ESRRG: variants seen among roughly 807,000 people sequenced by gnomAD.
ESRRG encodes estrogen related receptor gamma, also known as estrogen-related receptor gamma.
ESRRG carries 13 observed loss-of-function variants against 44.0 expected under a neutral mutation model. That is an observed-to-expected ratio of 0.30 (90% CI 0.19 to 0.47). The LOEUF is 0.47. Ranked by LOEUF, ESRRG falls within the 20% of genes least tolerant of loss-of-function variation. The probability of loss-of-function intolerance (pLI) is 1.00; values close to 1 mark genes in which losing one functional copy is unlikely to be tolerated. For synonymous variants in ESRRG, 215 were observed against 214.6 expected (o/e 1.00, Z -0.02); for missense variants, 395 against 580.6 (o/e 0.68, Z 3.29).
chr1:216,901,066 C>T (rs922448571), intron 2 of ESRRG, among the ~76,000 whole-genome samples: 3 of 152,056 alleles, frequency 2.0e-5, no homozygotes, highest in Admixed American at 6.6e-5. Flanking sequence ...GCTTCTTAAC[C>T]CTGTGATGAT....
chr1:216,860,306 A>G (rs149089535), intron 2 of ESRRG, among the ~76,000 whole-genome samples: 407 of 152,240 alleles, frequency 2.7e-3, no homozygotes, highest in African/African-American at 9.5e-3. Flanking sequence ...AGGAAAAAAT[A>G]GCAGACAAAG....
chr1:216,518,222 C>T (rs1288626829), intron 6 of ESRRG, among the ~76,000 whole-genome samples: 1 of 152,110 alleles, frequency 6.6e-6, no homozygotes, highest in African/African-American at 2.4e-5. Context: ...CTGTCAATAC[C>T]TTGAATGCTG....
chr1:216,829,585 C>T (rs2095453543), intron 2 of ESRRG, among the ~76,000 whole-genome samples: 1 of 148,314 alleles, frequency 6.7e-6, no homozygotes, highest in Admixed American at 6.7e-5. Flanking sequence ...GATGGAGTCT[C>T]ACTCTGTTGC....
intron 1 of ESRRG, among the ~76,000 whole-genome samples, chr1:217,026,896 C>CACACACACAT (rs1243997072): frequency 1.8e-4 from 17 of 93,862 alleles, no homozygotes; most frequent in Non-Finnish European, 2.9e-4. Flanking sequence ...CATACACACA[C>CACACACACAT]ACACACACAC....
intron 1 of ESRRG, among the ~76,000 whole-genome samples, chr1:216,976,286 A>ATGTGTGTGTGTGTGTGTGTGTGTG (rs61142800): frequency 1.4e-5 from 2 of 146,870 alleles, no homozygotes; most frequent in African/African-American, 5.0e-5. Flanking sequence ...ATGCTCCTAA[A>ATGTGTGTGTGTGTGTGTGTGTGTG]TGTGTGTGTG....
chr1:216,619,760 T>A (rs1370828897), intron 3 of ESRRG, among the ~76,000 whole-genome samples: 3 of 152,174 alleles, frequency 2.0e-5, no homozygotes, highest in Admixed American at 6.5e-5. Flanking sequence ...GTTGAAGACT[T>A]AACAGATGCC....
At chr1:216,558,355 T>C (rs2058019660) in intron 5 of ESRRG, among the ~76,000 whole-genome samples, 2 of 152,236 alleles carry the variant, frequency 1.3e-5, no homozygotes, top group Admixed American at 6.5e-5. Flanking sequence ...GAGGCTGGAC[T>C]AAATCGTTTA....
intron 2 of ESRRG, among the ~76,000 whole-genome samples, chr1:216,660,439 C>T (rs964179512): frequency 1.8e-4 from 27 of 152,224 alleles, no homozygotes; most frequent in African/African-American, 5.8e-4. Context: ...AATAAGGTAA[C>T]ATACCCAGAA....
At chr1:216,534,014 C>A (rs1049412814) in intron 5 of ESRRG, among the ~76,000 whole-genome samples, 1 of 151,992 alleles carries the variant, frequency 6.6e-6, no homozygotes, top group African/African-American at 2.4e-5. Flanking sequence ...TCTATCAGGC[C>A]CAAACAATAT....
intron 2 of ESRRG, among the ~76,000 whole-genome samples, chr1:216,665,555 G>C (rs1383763522): frequency 1.3e-5 from 2 of 152,064 alleles, no homozygotes; most frequent in Admixed American, 6.6e-5. Context: ...GAGAAATGAG[G>C]AGTTGTTTCA....
Position 216,587,572 on chromosome 1 carries a change from T to C in ESRRG, c.590-19474A>G, listed in dbSNP as rs182963860. On this transcript the variant is annotated intron_variant, in intron 3 of 6. Coordinates refer to ENST00000408911, the MANE Select transcript of ESRRG (RefSeq NM_001438.4). ...TAGCCAGACTAAATTAACCCAAAAATGAATAAATAAAAAAAGGACAATAAT... is the reference window on the plus strand; with the variant it reads ...TAGCCAGACTAAATTAACCCAAAAACGAATAAATAAAAAAAGGACAATAAT... 3.1e-3 allele frequency among the ~76,000 whole-genome samples: 465 copies of C among 152,098 alleles called. 3 individuals carry two copies. Among genetic ancestry groups the C allele is most frequent in the South Asian group, 0.011 (53 of 4,820 alleles).
At chr1:216,998,891 T>A (rs901775261) in intron 1 of ESRRG, among the ~76,000 whole-genome samples, 2 of 152,186 alleles carry the variant, frequency 1.3e-5, no homozygotes, top group Non-Finnish European at 2.9e-5. Context: ...TGAATGAGAT[T>A]TCAGAAAAGA....
intron 1 of ESRRG, among the ~76,000 whole-genome samples, chr1:217,039,290 G>T (rs576183013): frequency 7.9e-5 from 12 of 152,160 alleles, no homozygotes; most frequent in Non-Finnish European, 1.6e-4. Flanking sequence ...TATATTTTCA[G>T]CAACACCCCA....
chr1:216,984,191 G>A (rs2074487176), intron 1 of ESRRG, among the ~76,000 whole-genome samples: 1 of 151,968 alleles, frequency 6.6e-6, no homozygotes, highest in South Asian at 2.1e-4. Context: ...CAGGTTTCTG[G>A]GAGCCCCTGG....
intron 1 of ESRRG, among the ~76,000 whole-genome samples, chr1:217,013,834 A>G (rs1199687631): frequency 6.1e-5 from 9 of 147,622 alleles, no homozygotes. Context: ...GTTACCTCCT[A>G]CCATTAAAAT....
At chr1:216,831,851 T>A (rs1368511818) in intron 2 of ESRRG, among the ~76,000 whole-genome samples, 1 of 152,148 alleles carries the variant, frequency 6.6e-6, no homozygotes, top group Non-Finnish European at 1.5e-5. Flanking sequence ...GAAAGATGTT[T>A]GCAAGTCACT....
chr1:216,681,970 T>C (rs2077110808), intron 1 of ESRRG: 1 of 152,174 alleles, frequency 6.6e-6, no homozygotes. Context: ...ATGTTCAAAG[T>C]GGTCTGCATT....
At chr1:216,641,742 T>C (rs1207485552) in intron 3 of ESRRG, among the ~76,000 whole-genome samples, 1 of 152,232 alleles carries the variant, frequency 6.6e-6, no homozygotes, top group Non-Finnish European at 1.5e-5. Flanking sequence ...GTACTACTGA[T>C]GTTTATTCAC....
intron 1 of ESRRG, among the ~76,000 whole-genome samples, chr1:217,099,376 CAAAA>C (rs34591349): frequency 2.2e-5 from 3 of 138,786 alleles, no homozygotes; most frequent in Admixed American, 7.0e-5. Flanking sequence ...GTGAGCAGAG[CAAAA>C]AAAAAAAAAA....
Sources: allele counts gnomAD v4.1 joint callset (sites outside exome capture counted in the v4.1 genomes callset), GRCh38; gene constraint gnomAD v4.1.1; transcripts MANE v1.5; gene names NCBI Gene and HGNC (gene_info 2026-07-23, HGNC 2026-07-21).